The following STXBP5L variants were observed in gnomAD, a reference collection of about 807,000 sequenced individuals.
STXBP5L encodes the protein syntaxin binding protein 5L.
STXBP5L carries 65 observed loss-of-function variants against 144.5 expected under a neutral mutation model. The observed-to-expected ratio is 0.45, with a 90% CI of 0.37 to 0.55. The LOEUF (loss-of-function observed/expected upper bound fraction) is 0.55. STXBP5L is among the 20% of genes least tolerant of loss of function. The probability of loss-of-function intolerance (pLI) is 0.00; values close to 1 mark genes in which losing one functional copy is unlikely to be tolerated. For missense variants in STXBP5L, 1,298 were observed against 1,405.5 expected, an observed-to-expected ratio of 0.92 and a Z score of 1.22; for synonymous variants, 505 against 469.6, an observed-to-expected ratio of 1.08 and a Z score of -0.97.
intron 3 of STXBP5L, among the ~76,000 whole-genome samples, chr3:121,013,776 G>T (rs1944948020): frequency 6.6e-6 from 1 of 151,856 alleles, no homozygotes; most frequent in African/African-American, 2.4e-5. Context: ...AGTTTGAGAT[G>T]TTACATTTAA....
At chr3:121,039,534 T>G (rs947722576) in intron 3 of STXBP5L, among the ~76,000 whole-genome samples, 26 of 151,954 alleles carry the variant, frequency 1.7e-4, no homozygotes, top group Non-Finnish European at 7.4e-5. Flanking sequence ...ATTTTAAATG[T>G]TCTTTTTTCC....
At position 121,012,546 on chromosome 3, in the gene STXBP5L, A is replaced by G. The variant is rs374128144; in HGVS notation, c.288-29154A>G. Among the ~76,000 whole-genome samples, 5 of 151,670 alleles carry G rather than the reference A, an allele frequency of 3.3e-5. No individual in the cohort carries two copies. The South Asian group carries it at 8.3e-4, about 25-fold the overall frequency. On this transcript the variant is annotated intron_variant, in intron 3 of 26. Transcript: ENST00000471454. Reference sequence around the variant, plus strand: ...CTTAGTGGCTGTAGAGTGGTATTTCATGGTGGTTTTGATAGGCATGTCCCT... The same window carrying G: ...CTTAGTGGCTGTAGAGTGGTATTTCGTGGTGGTTTTGATAGGCATGTCCCT...
At chr3:121,362,625 C>A (rs545814276) in intron 20 of STXBP5L, among the ~76,000 whole-genome samples, 1 of 152,138 alleles carries the variant, frequency 6.6e-6, no homozygotes, top group South Asian at 2.1e-4. Flanking sequence ...TCAGCCTTCA[C>A]GGCAGTGAGT....
intron 9 of STXBP5L, among the ~76,000 whole-genome samples, chr3:121,193,454 C>G (rs1213957108): frequency 6.6e-6 from 1 of 151,062 alleles, no homozygotes; most frequent in Non-Finnish European, 1.5e-5. Flanking sequence ...CCATTTGACC[C>G]AGCCATCCCA....
chr3:121,206,974 A>G (rs2048359999), intron 10 of STXBP5L, among the ~76,000 whole-genome samples: 1 of 152,216 alleles, frequency 6.6e-6, no homozygotes, highest in South Asian at 2.1e-4. Flanking sequence ...TTATATTAAT[A>G]ATATGAACAT....
intron 20 of STXBP5L, among the ~76,000 whole-genome samples, chr3:121,354,800 A>T (rs1028285780): frequency 6.6e-6 from 1 of 152,106 alleles, no homozygotes; most frequent in African/African-American, 2.4e-5. Context: ...TGATCTTTAC[A>T]ATTTGGCATG....
chr3:120,957,844 A>T (rs1369995073), intron 3 of STXBP5L, among the ~76,000 whole-genome samples: 16 of 152,298 alleles, frequency 1.1e-4, no homozygotes, highest in Non-Finnish European at 2.4e-4. Context: ...TCACAATTAA[A>T]AGAACTAGAG....
At chr3:120,977,855 G>A (rs529678447) in intron 3 of STXBP5L, among the ~76,000 whole-genome samples, 199 of 152,306 alleles carry the variant, frequency 1.3e-3, no homozygotes, top group Non-Finnish European at 2.4e-3. Flanking sequence ...TTTTCTTTAA[G>A]AATGTTGAAT....
At chr3:120,943,215 T>A (rs1221951049) in intron 2 of STXBP5L, among the ~76,000 whole-genome samples, 1 of 151,656 alleles carries the variant, frequency 6.6e-6, no homozygotes, top group Non-Finnish European at 1.5e-5. Flanking sequence ...AAACAAACAA[T>A]CAGAATTACA....
At chr3:121,041,931 ACT>A in intron 4 of STXBP5L, 150 bp downstream of exon 4, 2 of 556,038 alleles carry the variant, frequency 3.6e-6, no homozygotes. Context: ...AAAAGACTGT[ACT>A]CCTGTATTGG....
intron 5 of STXBP5L, among the ~76,000 whole-genome samples, chr3:121,095,825 G>T (rs1169553963): frequency 6.6e-6 from 1 of 152,154 alleles, no homozygotes; most frequent in Non-Finnish European, 1.5e-5. Flanking sequence ...TCTGTTGCTG[G>T]TGAGGAACTG....
Position 121,227,610 on chromosome 3 carries a change from C to T in STXBP5L, c.1111+4453C>T, listed in dbSNP as rs989509886. On this transcript the variant is annotated intron_variant, in intron 11 of 26. Coordinates refer to ENST00000471454, the MANE Select transcript of STXBP5L (RefSeq NM_001308330.2). ...ATTTTTTTTTCTTTATTTTGATTAG[C>T]AATTTTGGACTATAGCCCATTGCAA... Among the ~76,000 whole-genome samples the T allele has an allele frequency of 3.3e-5, 5 of 151,972 alleles. No individual in the cohort carries two copies. In the East Asian group the frequency reaches 5.8e-4, roughly 18 times the overall value.
intron 3 of STXBP5L, among the ~76,000 whole-genome samples, chr3:120,958,307 A>T (rs1052622735): frequency 2.0e-5 from 3 of 152,234 alleles, no homozygotes; most frequent in African/African-American, 7.2e-5. Context: ...AGATGGATTC[A>T]CAGCCGAATT....
At chr3:121,172,565 C>G (rs991982332) in intron 9 of STXBP5L, among the ~76,000 whole-genome samples, 2 of 152,128 alleles carry the variant, frequency 1.3e-5, no homozygotes, top group African/African-American at 2.4e-5. Context: ...ATGCAGCCAA[C>G]AAACATATGA....
chr3:121,193,149 A>C (rs2047770542), intron 9 of STXBP5L, among the ~76,000 whole-genome samples: 1 of 142,956 alleles, frequency 7.0e-6, no homozygotes, highest in Non-Finnish European at 1.5e-5. Flanking sequence ...CACCCCATCA[A>C]AAAGTGGGCA....
At chr3:121,160,195 G>A (rs532127215) in intron 9 of STXBP5L, among the ~76,000 whole-genome samples, 11 of 152,120 alleles carry the variant, frequency 7.2e-5, no homozygotes, top group Admixed American at 1.3e-4. Context: ...CAATTGCTGA[G>A]AGAGTGCTAT....
intron 24 of STXBP5L, 44 bp downstream of exon 24, chr3:121,413,367 TGAGA>T (rs780676857): frequency 2.7e-6 from 4 of 1,455,872 alleles, no homozygotes; most frequent in Non-Finnish European, 1.8e-6. Flanking sequence ...TGGACATGGT[TGAGA>T]GAATGAGAAA....
In STXBP5L at chr3:121,419,222, G is replaced by T. The variant is rs2047308698; in HGVS notation, c.*125G>T. 3.1e-6 allele frequency: 3 copies of T among 972,434 alleles called. No homozygotes were observed. Among genetic ancestry groups the T allele is most frequent in the African/African-American group, 1.7e-5 (1 of 59,812 alleles). The allele number at this position is 972,434 out of a possible 1,614,324, so 60.2% of individuals were successfully genotyped here. On this transcript the variant is annotated 3_prime_UTR_variant, in exon 27 of 27. Coordinates refer to ENST00000471454, the MANE Select transcript of STXBP5L (RefSeq NM_001308330.2). The stretch of plus-strand genomic sequence containing the variant: ...AAAATGTTCCATTTACAGTCAATCT[G>T]AAATTTTCATAAAAGAGATGTATCA...
chr3:120,943,107 A>G (rs1710652150), intron 2 of STXBP5L, among the ~76,000 whole-genome samples: 1 of 151,696 alleles, frequency 6.6e-6, no homozygotes, highest in African/African-American at 2.4e-5. Flanking sequence ...AAAAGTATGA[A>G]TAATTTTCTG....
Sources: allele counts gnomAD v4.1 joint callset (sites outside exome capture counted in the v4.1 genomes callset), GRCh38; gene constraint gnomAD v4.1.1; transcripts MANE v1.5; gene names NCBI Gene and HGNC (gene_info 2026-07-23, HGNC 2026-07-21).